The following SLC24A3 variants were observed in gnomAD, a reference collection of about 807,000 sequenced individuals.
The protein encoded by SLC24A3 is solute carrier family 24 member 3.
In SLC24A3, 28 loss-of-function variants were observed where a neutral mutation model predicts 75.8. That is an observed-to-expected ratio of 0.37 (90% confidence interval 0.27 to 0.51). SLC24A3 has a LOEUF of 0.51. Ranked by LOEUF, SLC24A3 falls within the 20% of genes least tolerant of loss-of-function variation. The pLI, the probability that SLC24A3 is intolerant of heterozygous loss-of-function variation, is 0.94. For synonymous variants in SLC24A3, 372 were observed against 334.1 expected (o/e 1.11, Z -1.24); for missense variants, 663 against 847.8 (o/e 0.78, Z 2.71).
intron 2 of SLC24A3, among the ~76,000 whole-genome samples, chr20:19,291,911 A>G (rs544794134): frequency 1.3e-5 from 2 of 152,376 alleles, no homozygotes. Flanking sequence ...GGCTGGACTC[A>G]GTGAAGCTTC....
At chr20:19,448,524 C>T (rs3790210) in intron 2 of SLC24A3, among the ~76,000 whole-genome samples, 9 of 152,176 alleles carry the variant, frequency 5.9e-5, no homozygotes, top group African/African-American at 2.2e-4. Flanking sequence ...ATCACAGCGT[C>T]CAACAGTTAC....
intron 15 of SLC24A3, among the ~76,000 whole-genome samples, chr20:19,704,429 C>A (rs948712230): frequency 6.6e-6 from 1 of 152,094 alleles, no homozygotes; most frequent in Admixed American, 6.5e-5. Flanking sequence ...TATTATGCAC[C>A]CACTATATGC....
rs1338358806 is a variant in SLC24A3, at chr20:19,468,173, G to A, written c.272-47315G>A. Among the ~76,000 whole-genome samples the A allele has an allele frequency of 3.9e-5, 6 of 152,240 alleles. No homozygotes were observed. In the East Asian group the frequency reaches 9.7e-4, roughly 25 times the overall value. On this transcript the variant is annotated intron_variant, in intron 2 of 16. Coordinates refer to ENST00000328041, the MANE Select transcript of SLC24A3 (RefSeq NM_020689.4). ...GTTAAGCTTTTTCAATTTTGTCTTTGAAAACTAGAGCACAGATATAAGATG... is the reference window on the plus strand; with the variant it reads ...GTTAAGCTTTTTCAATTTTGTCTTTAAAAACTAGAGCACAGATATAAGATG...
At chr20:19,517,245 G>A (rs6112437) in intron 3 of SLC24A3, among the ~76,000 whole-genome samples, 3,785 of 152,226 alleles carry the variant, frequency 0.025, 108 homozygotes, top group African/African-American at 0.067. Flanking sequence ...CCTGGCAGCC[G>A]TTAGCATCCT....
chr20:19,606,891 G>A (rs897987375), intron 6 of SLC24A3, among the ~76,000 whole-genome samples: 1 of 152,180 alleles, frequency 6.6e-6, no homozygotes, highest in Non-Finnish European at 1.5e-5. Flanking sequence ...GGTCATTCCA[G>A]TGTATATGTG....
chr20:19,292,382 G>T (rs574886305), intron 2 of SLC24A3, among the ~76,000 whole-genome samples: 1 of 152,246 alleles, frequency 6.6e-6, no homozygotes, highest in South Asian at 2.1e-4. Flanking sequence ...TGGGAGGCAG[G>T]TAAAATGAAT....
At chr20:19,274,526 A>G (rs1196819575) in intron 1 of SLC24A3, among the ~76,000 whole-genome samples, 1 of 152,114 alleles carries the variant, frequency 6.6e-6, no homozygotes, top group African/African-American at 2.4e-5. Flanking sequence ...CTTCTGGGTT[A>G]GGAGAGCTCC....
chr20:19,663,686 C>T (rs934694741), intron 7 of SLC24A3, among the ~76,000 whole-genome samples: 1 of 151,824 alleles, frequency 6.6e-6, no homozygotes, highest in African/African-American at 2.4e-5. Flanking sequence ...GCTCCCCAAG[C>T]CACAACCATC....
At chr20:19,638,985 T>C (rs1386295886) in intron 6 of SLC24A3, among the ~76,000 whole-genome samples, 2 of 152,118 alleles carry the variant, frequency 1.3e-5, no homozygotes, top group Non-Finnish European at 2.9e-5. Context: ...AGAACAAACC[T>C]TCCACACTGT....
At chr20:19,376,603 C>G (rs1179982073) in intron 2 of SLC24A3, among the ~76,000 whole-genome samples, 2 of 151,722 alleles carry the variant, frequency 1.3e-5, no homozygotes, top group Admixed American at 6.6e-5. Context: ...CAGAGTGTTC[C>G]AAGTTTTCTG....
chr20:19,333,118 G>A (rs1261339416), intron 2 of SLC24A3, among the ~76,000 whole-genome samples: 19 of 152,166 alleles, frequency 1.2e-4, no homozygotes, highest in Non-Finnish European at 1.3e-4. Flanking sequence ...AAGAGGGGCA[G>A]TGGTTGTAAA....
intron 1 of SLC24A3, among the ~76,000 whole-genome samples, chr20:19,238,299 TGTC>T (rs1379619300): frequency 6.6e-6 from 1 of 152,232 alleles, no homozygotes; most frequent in Non-Finnish European, 1.5e-5. Flanking sequence ...GATTCATCCG[TGTC>T]GTCATGTCTA....
intron 1 of SLC24A3, among the ~76,000 whole-genome samples, chr20:19,213,879 C>T (rs1211231179): frequency 2.0e-5 from 3 of 152,032 alleles, no homozygotes; most frequent in Non-Finnish European, 4.4e-5. Flanking sequence ...TTTTATATCC[C>T]GGCCGTGGAA....
intron 2 of SLC24A3, among the ~76,000 whole-genome samples, chr20:19,514,395 T>C (rs1337695863): frequency 1.3e-5 from 2 of 152,220 alleles, no homozygotes; most frequent in Non-Finnish European, 2.9e-5. Flanking sequence ...GGCAAGCAGG[T>C]ATCATCTAGC....
At chr20:19,552,414 T>C (rs1167709805) in intron 3 of SLC24A3, among the ~76,000 whole-genome samples, 1 of 152,218 alleles carries the variant, frequency 6.6e-6, no homozygotes, top group Non-Finnish European at 1.5e-5. Flanking sequence ...TGACTCTGAC[T>C]TTACCCCAGC....
intron 6 of SLC24A3, among the ~76,000 whole-genome samples, chr20:19,635,556 G>A (rs571336533): frequency 2.1e-4 from 32 of 152,218 alleles, no homozygotes; most frequent in Non-Finnish European, 4.0e-4. Flanking sequence ...TGTGGGCCAA[G>A]AATTTGGACA....
intron 15 of SLC24A3, among the ~76,000 whole-genome samples, chr20:19,716,192 T>G (rs2033044970): frequency 6.6e-6 from 1 of 152,100 alleles, no homozygotes; most frequent in Admixed American, 6.5e-5. Context: ...AAAACCACCC[T>G]CTGAGAACCA....
intron 3 of SLC24A3, among the ~76,000 whole-genome samples, chr20:19,521,659 T>C (rs1005453431): frequency 2.6e-5 from 4 of 152,190 alleles, no homozygotes; most frequent in African/African-American, 7.2e-5. Flanking sequence ...ACCAAATGGA[T>C]GTCATTTCCT....
chr20:19,512,584 A>G (rs983593930), intron 2 of SLC24A3, among the ~76,000 whole-genome samples: 7 of 152,254 alleles, frequency 4.6e-5, no homozygotes, highest in Non-Finnish European at 7.3e-5. Flanking sequence ...TGAAACTCAG[A>G]ATGCCTGGAT....
Sources: gnomAD v4.1 joint callset for allele counts (sites outside exome capture counted in the v4.1 genomes callset) on GRCh38, gnomAD v4.1.1 for gene constraint, MANE v1.5 for transcripts, NCBI Gene and HGNC (gene_info 2026-07-23, HGNC 2026-07-21) for gene names.